Variants in FZR1 observed in about 807,000 individuals in gnomAD.
FZR1 encodes the protein fizzy-related protein homolog.
Under a neutral mutation model 63.6 loss-of-function variants are expected in FZR1, and 11 were observed. That is an observed-to-expected ratio of 0.17 (90% CI 0.11 to 0.29). FZR1 has a LOEUF of 0.29. Ranked by LOEUF, FZR1 falls within the 10% of genes least tolerant of loss-of-function variation. The probability of loss-of-function intolerance (pLI) is 1.00; values close to 1 mark genes in which losing one functional copy is unlikely to be tolerated. For synonymous variants in FZR1, 328 were observed against 297.9 expected, an observed-to-expected ratio of 1.10 and a Z score of -1.04; for missense variants, 440 against 687.5, an observed-to-expected ratio of 0.64 and a Z score of 4.03.
intron 2 of FZR1, among the ~76,000 whole-genome samples, chr19:3,524,261 G>A (rs1053984375): frequency 2.0e-5 from 3 of 152,292 alleles, no homozygotes; most frequent in East Asian, 1.9e-4. Context: ...GTGGGAGGGC[G>A]GGGCGCAGTG....
At chr19:3,527,886 G>A (rs1297016113) in intron 7 of FZR1, 72 bp downstream of exon 7, 23 of 1,219,224 alleles carry the variant, frequency 1.9e-5, no homozygotes, top group Admixed American at 5.9e-5. Flanking sequence ...TGTACCCACC[G>A]GGATCCAGGG....
intron 6 of FZR1, 99 bp downstream of exon 6, chr19:3,527,161 C>A: frequency 1.0e-6 from 1 of 968,054 alleles, no homozygotes; most frequent in Non-Finnish European, 1.7e-6. Flanking sequence ...CCCTGCGGGT[C>A]CTGGTGGGCG....
rs1057033831 is a variant in FZR1 at position 3,526,798 on chromosome 19, G to A, written c.388-182G>A. 3.3e-5 allele frequency among the ~76,000 whole-genome samples: 5 copies of A among 152,172 alleles called. No individual in the cohort carries two copies. The highest frequency in any genetic ancestry group is 1.9e-4 in the East Asian group (1 of 5,172). ...TGGCTTGGGTCCCTCGAGAGAGGGC[G>A]GGAGGGGTGGGGGGTCCGCAGTCCC... is the stretch of plus-strand genomic sequence containing the variant. On this transcript the variant is annotated intron_variant, in intron 5 of 13. Coordinates refer to ENST00000441788, the MANE Select transcript of FZR1 (RefSeq NM_016263.4). This position sits in a 1 kb window ranked among gnomAD's most constrained non-coding sequence, Gnocchi z 5.4.
At chr19:3,511,107 C>T (rs527950219) in intron 1 of FZR1, among the ~76,000 whole-genome samples, 2 of 152,266 alleles carry the variant, frequency 1.3e-5, no homozygotes, top group African/African-American at 2.4e-5. Context: ...CGTGGTGCCA[C>T]GCTGCCTTCC....
At position 3,515,212 on chromosome 19, in the gene FZR1, G is replaced by C. The variant is rs372453743; in HGVS notation, c.-34-7744G>C. The stretch of plus-strand genomic sequence containing the variant: ...CACTGATTCACTGCTGATGTGCAGC[G>C]AGGGTCCGGGTTGCTGCTAAACTCC... On this transcript the variant is annotated intron_variant, in intron 1 of 13. Transcript: ENST00000441788. The surrounding 1 kb of genome is among the most constrained non-coding windows in gnomAD (Gnocchi z 4.6). 6.6e-6 allele frequency among the ~76,000 whole-genome samples: 1 copy of C among 152,216 alleles called. No homozygotes were observed. The highest frequency in any genetic ancestry group is 6.5e-5 in the Admixed American group (1 of 15,292).
chr19:3,528,041 ACCCTCCCAGCCATGG>A (rs200758496), intron 7 of FZR1, among the ~76,000 whole-genome samples: 2,544 of 147,560 alleles, frequency 0.017, 65 homozygotes, highest in African/African-American at 0.06. Flanking sequence ...GGCCCTCCCA[ACCCTCCCAGCCATGG>A]CCCTCCCAGC....
intron 2 of FZR1, among the ~76,000 whole-genome samples, chr19:3,524,546 T>C (rs1379250385): frequency 6.6e-6 from 1 of 152,074 alleles, no homozygotes; most frequent in Non-Finnish European, 1.5e-5. Context: ...GGCAGGGAGA[T>C]GTGACAGCAG....
chr19:3,517,523 C>CT (rs1321245902), intron 1 of FZR1, among the ~76,000 whole-genome samples: 1 of 151,968 alleles, frequency 6.6e-6, no homozygotes, highest in African/African-American at 2.4e-5. Flanking sequence ...CCCCTCTCTA[C>CT]TAAAAATACA....
rs1568235439 is a variant in FZR1 at position 3,526,342 on chromosome 19, C to CGCA, written c.345_347dup (p.Arg115_Arg116insSer). The CGCA allele has an allele frequency of 6.2e-7, 1 of 1,600,896 alleles. No homozygotes were observed. Among genetic ancestry groups the CGCA allele is most frequent in the Admixed American group, 1.7e-5 (1 of 58,514 alleles). On this transcript the variant is annotated inframe_insertion, in exon 5 of 14. Coordinates refer to ENST00000441788, the MANE Select transcript of FZR1 (RefSeq NM_016263.4). This position sits in a 1 kb window ranked among gnomAD's most constrained non-coding sequence, Gnocchi z 5.4. ...GGTGCAGGACCCGCAGACTGAGGACCGCAGGCTGCAGCCCTCCACGCCTGA... is the reference window on the plus strand; with the variant it reads ...GGTGCAGGACCCGCAGACTGAGGACCGCAGCAGGCTGCAGCCCTCCACGCCTGA...
chr19:3,517,715 A>C (rs1405477408), intron 1 of FZR1, among the ~76,000 whole-genome samples: 1 of 152,082 alleles, frequency 6.6e-6, no homozygotes, highest in Non-Finnish European at 1.5e-5. Context: ...AAAAATTTTA[A>C]AAAGATAAAA....
At chr19:3,530,898 G>T in intron 8 of FZR1, 41 bp downstream of exon 8, 1 of 1,516,338 alleles carries the variant, frequency 6.6e-7, no homozygotes, top group East Asian at 2.3e-5. Context: ...GAGATCTGAT[G>T]GGGCTCTTGA....
chr19:3,525,693 C>T lies in FZR1; in HGVS notation c.70-175C>T, dbSNP rs1239501011. Among the ~76,000 whole-genome samples the T allele has an allele frequency of 3.3e-5, 5 of 152,114 alleles. No individual in the cohort carries two copies. In the East Asian group the frequency reaches 5.8e-4, roughly 18 times the overall value. On this transcript the variant is annotated intron_variant, in intron 2 of 13. Transcript: ENST00000441788. The surrounding 1 kb of genome is among the most constrained non-coding windows in gnomAD (Gnocchi z 4.2). ...TCCTGACCTCGTGATCCGCCCGCCTCGGCCTCCCAAAGTGCTGGGATTACG... is the reference window on the plus strand; with the variant it reads ...TCCTGACCTCGTGATCCGCCCGCCTTGGCCTCCCAAAGTGCTGGGATTACG...
In FZR1 at chr19:3,535,529, G is replaced by C. The variant is rs1256797535; in HGVS notation, c.*693G>C. 6.5e-6 allele frequency: 1 copy of C among 152,910 alleles called. No individual in the cohort carries two copies. Among genetic ancestry groups the C allele is most frequent in the East Asian group, 1.9e-4 (1 of 5,194 alleles). 9.5% of individuals were successfully genotyped at this position (152,910 alleles called of 1,614,324 possible). On this transcript the variant is annotated 3_prime_UTR_variant, in exon 14 of 14. Coordinates refer to ENST00000441788, the MANE Select transcript of FZR1 (RefSeq NM_016263.4). ...CGGTCAGTGGGCTTCAGATGGGCCT[G>C]TGCATCCTGGCCAAGCGTCACCCTC...
intron 1 of FZR1, among the ~76,000 whole-genome samples, chr19:3,507,292 C>T (rs879597520): frequency 3.3e-5 from 5 of 151,852 alleles, no homozygotes; most frequent in African/African-American, 7.3e-5. Context: ...CTTCTCCAAA[C>T]GCAAGCCTGG....
chr19:3,513,853 G>A (rs1486692235), intron 1 of FZR1, among the ~76,000 whole-genome samples: 2 of 152,256 alleles, frequency 1.3e-5, no homozygotes, highest in South Asian at 2.1e-4. Context: ...ATGCCCTGGT[G>A]TATACCATAG....
intron 1 of FZR1, among the ~76,000 whole-genome samples, 189 bp downstream of exon 1, chr19:3,506,663 G>T (rs910968993): frequency 6.6e-5 from 10 of 151,248 alleles, no homozygotes; most frequent in African/African-American, 1.5e-4. Context: ...CAGCATCCGC[G>T]TCTCCCGAGT....
intron 2 of FZR1, among the ~76,000 whole-genome samples, chr19:3,524,154 G>A (rs961496378): frequency 1.4e-4 from 21 of 152,188 alleles, no homozygotes; most frequent in African/African-American, 4.1e-4. Context: ...GCACCACGGC[G>A]CCCAGCAGCA....
chr19:3,524,783 C>T (rs549361383), intron 2 of FZR1, among the ~76,000 whole-genome samples: 9 of 152,310 alleles, frequency 5.9e-5, no homozygotes, highest in African/African-American at 1.7e-4. Context: ...CCACGTCCCT[C>T]TGGCCTCTGC....
intron 2 of FZR1, 69 bp downstream of exon 2, chr19:3,523,127 C>T (rs2083119347): frequency 3.2e-6 from 3 of 947,956 alleles, no homozygotes. Flanking sequence ...TGGCCAGCAG[C>T]CTCAGGTGTC....
Sources: allele counts gnomAD v4.1 joint callset (sites outside exome capture counted in the v4.1 genomes callset), GRCh38; gene constraint gnomAD v4.1.1; non-coding constraint Gnocchi (gnomAD v3.1); transcripts MANE v1.5; gene names NCBI Gene and HGNC (gene_info 2026-07-23, HGNC 2026-07-21).